The following GADL1 variants were observed in gnomAD, a reference collection of about 807,000 sequenced individuals.
GADL1 encodes GAD like acidic amino acid decarboxylase 1.
Under a neutral mutation model 69.5 loss-of-function variants are expected in GADL1, and 71 were observed. That is an observed-to-expected ratio of 1.02 (90% CI 0.84 to 1.25). The LOEUF (loss-of-function observed/expected upper bound fraction) is 1.25, where lower values mean the gene tolerates loss of function less well. Ranked by LOEUF, GADL1 falls within the 50% of genes most tolerant of loss-of-function variation. The probability of loss-of-function intolerance (pLI) is 0.00; values close to 1 mark genes in which losing one functional copy is unlikely to be tolerated. For synonymous variants in GADL1, 254 were observed against 214.4 expected, an observed-to-expected ratio of 1.18 and a Z score of -1.62; for missense variants, 737 against 631.8, an observed-to-expected ratio of 1.17 and a Z score of -1.79.
chr3:30,827,200 G>A (rs893262277), intron 11 of GADL1, among the ~76,000 whole-genome samples: 7 of 150,836 alleles, frequency 4.6e-5, no homozygotes, highest in Non-Finnish European at 8.9e-5. Context: ...AATTAACTGA[G>A]GCTTGGGTTT....
intron 1 of GADL1, among the ~76,000 whole-genome samples, chr3:30,889,155 C>A (rs114889280): frequency 0.017 from 2,383 of 142,016 alleles, 24 homozygotes; most frequent in Non-Finnish European, 0.026. Flanking sequence ...GCTGGGGAAG[C>A]CTTACAATCA....
intron 14 of GADL1, among the ~76,000 whole-genome samples, chr3:30,771,864 G>A (rs188473071): frequency 2.2e-3 from 333 of 151,394 alleles, no homozygotes; most frequent in Middle Eastern, 6.8e-3. Context: ...ATCAGGAGAC[G>A]TTATACACAG....
intron 11 of GADL1, among the ~76,000 whole-genome samples, chr3:30,806,873 T>C (rs1393749): frequency 0.48 from 73,695 of 152,002 alleles, 19,297 homozygotes; most frequent in East Asian, 0.7. Flanking sequence ...AATGCCACAA[T>C]AAGAATGATT....
intron 12 of GADL1, among the ~76,000 whole-genome samples, chr3:30,796,507 T>G (rs1697035446): frequency 1.3e-5 from 2 of 152,314 alleles, no homozygotes; most frequent in South Asian, 4.1e-4. Context: ...CATGACTGAT[T>G]CAGAGATGGA....
intron 11 of GADL1, among the ~76,000 whole-genome samples, chr3:30,831,917 T>C (rs1392995022): frequency 6.6e-6 from 1 of 151,924 alleles, no homozygotes; most frequent in Non-Finnish European, 1.5e-5. Flanking sequence ...ATTAAATATC[T>C]GCATTTTGTT....
chr3:30,778,296 T>C, intron 13 of GADL1, 28 bp from the exon 14 acceptor site: 1 of 1,380,344 alleles, frequency 7.2e-7, no homozygotes. Flanking sequence ...TATAAAGTTG[T>C]TATCTTAAGA....
intron 11 of GADL1, among the ~76,000 whole-genome samples, chr3:30,816,539 T>TAA: frequency 1.7e-5 from 1 of 58,658 alleles, no homozygotes. Flanking sequence ...TCTTTTTTTT[T>TAA]TTTTTTTTTT....
chr3:30,741,005 A>AT (rs1695614042), intron 14 of GADL1, among the ~76,000 whole-genome samples: 2 of 89,620 alleles, frequency 2.2e-5, no homozygotes, highest in African/African-American at 1.7e-4. Context: ...ATATTAATAT[A>AT]TATTATATAT....
At position 30,854,649 on chromosome 3, in the gene GADL1, A is replaced by C. The variant is rs766127951; in HGVS notation, c.428+50T>G. The C allele has an allele frequency of 1.9e-5, 21 of 1,078,484 alleles. No homozygotes were observed. In the Admixed American group the frequency reaches 4.2e-4, roughly 22 times the overall value. 66.8% of individuals were successfully genotyped at this position (1,078,484 alleles called of 1,614,324 possible). A position where few individuals can be genotyped will look rare whatever the true frequency, so the allele number is the denominator to read the frequency against. On this transcript the variant is annotated intron_variant, in intron 4 of 14. Coordinates refer to ENST00000282538, the MANE Select transcript of GADL1 (RefSeq NM_207359.3). ...TTTTGAAATAAAATTTCATCTACTTAAAGTCTCTAATCCACGTTTGGTGTG... is the reference window on the plus strand; with the variant it reads ...TTTTGAAATAAAATTTCATCTACTTCAAGTCTCTAATCCACGTTTGGTGTG...
chr3:30,813,038 A>G (rs577063926), intron 11 of GADL1, among the ~76,000 whole-genome samples: 1 of 152,166 alleles, frequency 6.6e-6, no homozygotes, highest in African/African-American at 2.4e-5. Flanking sequence ...ACTCCATGAG[A>G]AGGCACATGA....
At chr3:30,857,473 G>C (rs998735617) in intron 2 of GADL1, among the ~76,000 whole-genome samples, 1 of 151,904 alleles carries the variant, frequency 6.6e-6, no homozygotes, top group Admixed American at 6.6e-5. Context: ...AATTAAAAAA[G>C]ATAAAAAATT....
At position 30,810,932 on chromosome 3, in the gene GADL1, C is replaced by T. The variant is rs150002931; in HGVS notation, c.1051-9844G>A. ...CACCAGCCTTCTTGATAGTGGTTTA[C>T]GCATTACCAGCTATGAACTGCTAAG... On this transcript the variant is annotated intron_variant, in intron 11 of 14. Transcript: ENST00000282538. Among the ~76,000 whole-genome samples, 707 of 152,194 alleles carry T rather than the reference C, an allele frequency of 4.6e-3. 9 individuals carry two copies. Among genetic ancestry groups the T allele is most frequent in the African/African-American group, 0.016 (665 of 41,518 alleles).
rs571734346 is a variant in GADL1, at chr3:30,815,860, G to A, written c.1051-14772C>T. On this transcript the variant is annotated intron_variant, in intron 11 of 14. Coordinates refer to ENST00000282538, the MANE Select transcript of GADL1 (RefSeq NM_207359.3). ...ATCTTGTTTTAGGCACACATAAGCTGTGTGGTTAAAAGCATGGATTGCGGA... is the reference window on the plus strand; with the variant it reads ...ATCTTGTTTTAGGCACACATAAGCTATGTGGTTAAAAGCATGGATTGCGGA... 4.9e-4 allele frequency among the ~76,000 whole-genome samples: 74 copies of A among 152,248 alleles called. No individual in the cohort carries two copies. In the South Asian group the frequency reaches 8.5e-3, roughly 17 times the overall value.
intron 14 of GADL1, among the ~76,000 whole-genome samples, chr3:30,742,362 A>T (rs1695638585): frequency 6.6e-6 from 1 of 151,738 alleles, no homozygotes; most frequent in Non-Finnish European, 1.5e-5. Flanking sequence ...TAGTTATTTA[A>T]TATATTTTTT....
chr3:30,891,032 TCTTC>T (rs59987855), intron 1 of GADL1, among the ~76,000 whole-genome samples: 18,897 of 150,232 alleles, frequency 0.13, 1,932 homozygotes, highest in African/African-American at 0.28. Flanking sequence ...TACTTTGCAT[TCTTC>T]CTTCCTTCCT....
At chr3:30,737,582 T>A (rs1695557392) in intron 14 of GADL1, among the ~76,000 whole-genome samples, 1 of 152,152 alleles carries the variant, frequency 6.6e-6, no homozygotes. Context: ...TTTCCCCTGA[T>A]ACCTCCCCAA....
chr3:30,802,324 T>C (rs1282191567), intron 11 of GADL1, among the ~76,000 whole-genome samples: 3 of 152,190 alleles, frequency 2.0e-5, no homozygotes, highest in Non-Finnish European at 4.4e-5. Flanking sequence ...TTTAACACTG[T>C]GCTGGGCACA....
intron 13 of GADL1, among the ~76,000 whole-genome samples, chr3:30,779,686 G>A (rs1394569447): frequency 9.2e-5 from 14 of 152,150 alleles, no homozygotes; most frequent in Non-Finnish European, 2.1e-4. Context: ...TTCAAATGAA[G>A]TAACTATACC....
intron 11 of GADL1, among the ~76,000 whole-genome samples, chr3:30,832,215 A>G (rs1325446020): frequency 1.3e-5 from 2 of 151,906 alleles, no homozygotes; most frequent in African/African-American, 4.8e-5. Context: ...TTAAAAAAAA[A>G]ATTGGCAACT....
Sources: allele counts gnomAD v4.1 joint callset (sites outside exome capture counted in the v4.1 genomes callset), GRCh38; gene constraint gnomAD v4.1.1; transcripts MANE v1.5; gene names NCBI Gene and HGNC (gene_info 2026-07-23, HGNC 2026-07-21).